The following RAPGEF5 variants were observed in gnomAD, a reference collection of about 807,000 sequenced individuals.
RAPGEF5 encodes M-Ras-regulated GEF.
In RAPGEF5, 65 loss-of-function variants were observed where a neutral mutation model predicts 125.2. That is an observed-to-expected ratio of 0.52 (90% CI 0.43 to 0.64). RAPGEF5 has a LOEUF of 0.64. Ranked by LOEUF, RAPGEF5 falls within the 30% of genes least tolerant of loss-of-function variation. The pLI is 0.00. For missense variants in RAPGEF5, 958 were observed against 1,048.1 expected (o/e 0.91, Z 1.19); for synonymous variants, 391 against 385.9 (o/e 1.01, Z -0.16).
chr7:22,267,257 T>C (rs1439587926), intron 6 of RAPGEF5, among the ~76,000 whole-genome samples: 1 of 152,130 alleles, frequency 6.6e-6, no homozygotes, highest in Non-Finnish European at 1.5e-5. Context: ...AATGTATACA[T>C]TGTAAAACAC....
At chr7:22,199,081 C>T (rs1388192003) in intron 9 of RAPGEF5, among the ~76,000 whole-genome samples, 1 of 152,142 alleles carries the variant, frequency 6.6e-6, no homozygotes, top group Admixed American at 6.5e-5. Flanking sequence ...AGGTCTAGGC[C>T]AAAGTGAGAG....
At chr7:22,296,132 G>A (rs1262655336) in intron 5 of RAPGEF5, among the ~76,000 whole-genome samples, 2 of 152,102 alleles carry the variant, frequency 1.3e-5, no homozygotes, top group Non-Finnish European at 1.5e-5. Context: ...TACATGACTG[G>A]GTGAGGGCAC....
intron 1 of RAPGEF5, among the ~76,000 whole-genome samples, chr7:22,352,915 A>G (rs1784356764): frequency 6.6e-6 from 1 of 152,228 alleles, no homozygotes; most frequent in African/African-American, 2.4e-5. Context: ...ACGATCTGTG[A>G]TACTAAAATC....
chr7:22,223,294 T>G (rs1785837621), intron 8 of RAPGEF5, among the ~76,000 whole-genome samples: 1 of 152,166 alleles, frequency 6.6e-6, no homozygotes, highest in African/African-American at 2.4e-5. Context: ...TATCGAATGT[T>G]GCTGAAATAT....
At chr7:22,297,319 G>A (rs1386594970) in intron 5 of RAPGEF5, among the ~76,000 whole-genome samples, 2 of 152,172 alleles carry the variant, frequency 1.3e-5, no homozygotes, top group Non-Finnish European at 2.9e-5. Context: ...TTTTTATCAG[G>A]AGCAAAGATA....
intron 8 of RAPGEF5, among the ~76,000 whole-genome samples, chr7:22,228,523 T>G (rs938189141): frequency 6.6e-6 from 1 of 152,026 alleles, no homozygotes; most frequent in African/African-American, 2.4e-5. Flanking sequence ...TGTTTTCTTT[T>G]TTGAGATGGA....
chr7:22,262,573 A>T (rs988035078), intron 7 of RAPGEF5, among the ~76,000 whole-genome samples: 1 of 152,104 alleles, frequency 6.6e-6, no homozygotes, highest in East Asian at 1.9e-4. Flanking sequence ...TGTACTCCTG[A>T]GTATTTATTC....
intron 1 of RAPGEF5, among the ~76,000 whole-genome samples, chr7:22,346,350 A>G (rs1195434275): frequency 2.6e-5 from 4 of 152,172 alleles, no homozygotes; most frequent in Non-Finnish European, 5.9e-5. Context: ...ACTTCCCCTA[A>G]TCTCCAAAAG....
In RAPGEF5 at chr7:22,298,370, G is replaced by C. The variant is rs186199805; in HGVS notation, c.681-7129C>G. Among the ~76,000 whole-genome samples the C allele has an allele frequency of 2.7e-3, 409 of 151,914 alleles. 3 individuals are homozygous for C. Among genetic ancestry groups the C allele is most frequent in the African/African-American group, 8.9e-3 (368 of 41,422 alleles). On this transcript the variant is annotated intron_variant, in intron 5 of 25. Transcript: ENST00000665637. ...TTTTTTCATATTTTAGTAGAGATGG[G>C]GTTTCTCCATATTGGTCAGGCTGGT...
chr7:22,356,145 A>G, intron 1 of RAPGEF5: 3 of 985,368 alleles, frequency 3.0e-6, no homozygotes, highest in Non-Finnish European at 3.6e-6. Flanking sequence ...TGCTCAGGTC[A>G]TTAGATGCAC....
intron 7 of RAPGEF5, among the ~76,000 whole-genome samples, chr7:22,241,620 A>T (rs548426580): frequency 6.6e-6 from 1 of 152,340 alleles, no homozygotes; most frequent in Admixed American, 6.5e-5. Context: ...GGAGATGATA[A>T]AAACCTATGG....
At chr7:22,207,626 C>T (rs1785426193) in intron 9 of RAPGEF5, among the ~76,000 whole-genome samples, 1 of 152,156 alleles carries the variant, frequency 6.6e-6, no homozygotes, top group Non-Finnish European at 1.5e-5. Flanking sequence ...CTATAAATTC[C>T]AGCAAGTTGC....
At chr7:22,137,781 C>T (rs977039202) in intron 21 of RAPGEF5, among the ~76,000 whole-genome samples, 5 of 152,116 alleles carry the variant, frequency 3.3e-5, no homozygotes, top group East Asian at 3.8e-4. Context: ...GAAAAGTACA[C>T]GGTCCTTGGC....
At chr7:22,202,904 A>C in intron 9 of RAPGEF5, 1 of 376,738 alleles carries the variant, frequency 2.7e-6, no homozygotes, top group Non-Finnish European at 5.3e-6. Flanking sequence ...ACACAGAGAA[A>C]GCCCTCAGTA....
At chr7:22,253,175 C>A (rs1377477486) in intron 7 of RAPGEF5, among the ~76,000 whole-genome samples, 2 of 152,220 alleles carry the variant, frequency 1.3e-5, no homozygotes, top group Admixed American at 6.5e-5. Context: ...AAAGCTCTCT[C>A]TTTTGGGGAA....
At chr7:22,269,760 G>A (rs1290584769) in intron 6 of RAPGEF5, among the ~76,000 whole-genome samples, 3 of 152,190 alleles carry the variant, frequency 2.0e-5, no homozygotes, top group East Asian at 1.9e-4. Flanking sequence ...GTTGGCACTG[G>A]AAAAGAAATG....
chr7:22,145,825 T>C (rs1033894561), intron 19 of RAPGEF5, among the ~76,000 whole-genome samples: 1 of 152,104 alleles, frequency 6.6e-6, no homozygotes, highest in African/African-American at 2.4e-5. Flanking sequence ...ATATAAAACA[T>C]TGTCAAACCA....
At chr7:22,283,708 A>G (rs1477161028) in intron 6 of RAPGEF5, among the ~76,000 whole-genome samples, 1 of 152,196 alleles carries the variant, frequency 6.6e-6, no homozygotes, top group East Asian at 1.9e-4. Context: ...TAAAAAGTCT[A>G]TATTTTCCAT....
At chr7:22,130,449 G>A (rs1782879929) in intron 24 of RAPGEF5, among the ~76,000 whole-genome samples, 1 of 152,178 alleles carries the variant, frequency 6.6e-6, no homozygotes, top group African/African-American at 2.4e-5. Context: ...TGTAAGGAGG[G>A]AGGGTACTTT....
Sources: gnomAD v4.1 joint callset for allele counts (sites outside exome capture counted in the v4.1 genomes callset) on GRCh38, gnomAD v4.1.1 for gene constraint, MANE v1.5 for transcripts, NCBI Gene and HGNC (gene_info 2026-07-23, HGNC 2026-07-21) for gene names.